The following FTO variants were observed in gnomAD, a reference collection of about 807,000 sequenced individuals.
FTO encodes the protein alpha-ketoglutarate-dependent dioxygenase FTO.
In FTO, 47 loss-of-function variants were observed where a neutral mutation model predicts 63.9. The ratio of observed to expected loss-of-function variants is 0.74; its 90% CI spans 0.58 to 0.94. The LOEUF is 0.94. FTO is among the 40% of genes least tolerant of loss of function. The probability of loss-of-function intolerance (pLI) is 0.00; values close to 1 mark genes in which losing one functional copy is unlikely to be tolerated. For missense variants in FTO, 562 were observed against 618.1 expected, an observed-to-expected ratio of 0.91 and a Z score of 0.96; for synonymous variants, 207 against 224.4, an observed-to-expected ratio of 0.92 and a Z score of 0.69.
At chr16:53,864,847 TAAA>T (rs971940088) in intron 4 of FTO, among the ~76,000 whole-genome samples, 10 of 152,332 alleles carry the variant, frequency 6.6e-5, no homozygotes, top group Admixed American at 2.0e-4. Context: ...TAGAAGCTCT[TAAA>T]TGAAAATTAC....
intron 8 of FTO, among the ~76,000 whole-genome samples, chr16:54,050,346 G>T (rs555012068): frequency 7.2e-5 from 11 of 152,268 alleles, no homozygotes; most frequent in African/African-American, 2.6e-4. Flanking sequence ...ATGCTGATGA[G>T]ATTCTTCTAA....
chr16:53,829,982 C>T (rs1446222016), intron 3 of FTO, among the ~76,000 whole-genome samples: 1 of 151,958 alleles, frequency 6.6e-6, no homozygotes, highest in Non-Finnish European at 1.5e-5. Flanking sequence ...ACTGGGAATT[C>T]AGATACAGAA....
At chr16:53,821,144 G>T (rs1262680509) in intron 2 of FTO, among the ~76,000 whole-genome samples, 1 of 152,132 alleles carries the variant, frequency 6.6e-6, no homozygotes, top group Non-Finnish European at 1.5e-5. Context: ...AATTTTAATG[G>T]GGGGTGGGCA....
At chr16:53,922,213 T>C (rs7201878) in intron 7 of FTO, among the ~76,000 whole-genome samples, 63,540 of 152,014 alleles carry the variant, frequency 0.42, 14,056 homozygotes, top group East Asian at 0.84. Context: ...CCCCAAGAGT[T>C]TTGCTCTTGC....
chr16:54,006,450 CA>C (rs780175071), intron 8 of FTO, among the ~76,000 whole-genome samples: 1 of 152,162 alleles, frequency 6.6e-6, no homozygotes, highest in Admixed American at 6.5e-5. Flanking sequence ...CCTGGGAAAT[CA>C]AAGACTCAGT....
chr16:53,872,939 A>G (rs7206324), intron 4 of FTO, among the ~76,000 whole-genome samples: 88,897 of 151,576 alleles, frequency 0.59, 27,536 homozygotes, highest in East Asian at 0.86. Flanking sequence ...CTTAGGATAT[A>G]TAACAACTTG....
At chr16:53,950,155 T>TAAAAAAAAAAAAAAAAACAAAAAAAAAA (rs2082741361) in intron 8 of FTO, among the ~76,000 whole-genome samples, 15 of 50,618 alleles carry the variant, frequency 3.0e-4, no homozygotes, top group African/African-American at 7.0e-4. Context: ...TTCACATTTG[T>TAAAAAAAAAAAAAAAAACAAAAAAAAAA]AAAAAAAAAA....
chr16:54,030,506 T>C (rs1483547637), intron 8 of FTO, among the ~76,000 whole-genome samples: 1 of 152,180 alleles, frequency 6.6e-6, no homozygotes, highest in Non-Finnish European at 1.5e-5. Context: ...ATTTGAGTGT[T>C]CTCTTTCAGT....
At chr16:53,848,908 C>G (rs2079708843) in intron 4 of FTO, among the ~76,000 whole-genome samples, 1 of 152,170 alleles carries the variant, frequency 6.6e-6, no homozygotes, top group African/African-American at 2.4e-5. Flanking sequence ...CCATTCATGA[C>G]TCTGTTCTCT....
At chr16:53,930,588 C>A (rs2082258515) in intron 7 of FTO, among the ~76,000 whole-genome samples, 2 of 152,144 alleles carry the variant, frequency 1.3e-5, no homozygotes, top group East Asian at 3.9e-4. Flanking sequence ...AAAAAATGAG[C>A]CAATTATCAT....
chr16:53,784,736 T>C (rs974636386), intron 1 of FTO, among the ~76,000 whole-genome samples: 1 of 152,210 alleles, frequency 6.6e-6, no homozygotes, highest in African/African-American at 2.4e-5. Context: ...AGATAAATGA[T>C]GTTCCTTATG....
At chr16:53,869,335 T>C (rs969057921) in intron 4 of FTO, among the ~76,000 whole-genome samples, 3 of 152,138 alleles carry the variant, frequency 2.0e-5, no homozygotes, top group Non-Finnish European at 4.4e-5. Context: ...TCTTTATCTT[T>C]GACTTTCTGC....
chr16:54,108,802 C>G (rs2086813888), intron 8 of FTO, among the ~76,000 whole-genome samples: 1 of 152,176 alleles, frequency 6.6e-6, no homozygotes, highest in South Asian at 2.1e-4. Context: ...AGCGAGGTAA[C>G]AAAACCTGCC....
chr16:53,981,140 C>A (rs2083532582), intron 8 of FTO: 1 of 152,168 alleles, frequency 6.6e-6, no homozygotes, highest in Non-Finnish European at 1.5e-5. Flanking sequence ...GCCTGGGCAG[C>A]ATAGCAATGC....
intron 7 of FTO, among the ~76,000 whole-genome samples, chr16:53,928,072 A>G (rs991827452): frequency 6.6e-6 from 1 of 152,224 alleles, no homozygotes; most frequent in African/African-American, 2.4e-5. Context: ...TTCTGTTATT[A>G]TCACCATTTG....
At chr16:53,950,179 A>AAAAAC (rs201710707) in intron 8 of FTO, among the ~76,000 whole-genome samples, 303 of 145,740 alleles carry the variant, frequency 2.1e-3, no homozygotes, top group Middle Eastern at 7.4e-3. Flanking sequence ...AAAAAAAAAA[A>AAAAAC]CTTAATCCAT....
chr16:53,743,417 T>G (rs1425303226), intron 1 of FTO, among the ~76,000 whole-genome samples: 2 of 151,722 alleles, frequency 1.3e-5, no homozygotes, highest in African/African-American at 2.4e-5. Context: ...ATGATTGCAG[T>G]TACCTTTTCA....
chr16:53,784,845 A>G (rs762745726), intron 1 of FTO, among the ~76,000 whole-genome samples: 3 of 152,148 alleles, frequency 2.0e-5, no homozygotes, highest in Admixed American at 6.5e-5. Context: ...AGCTGTTTCA[A>G]TGTGTCAACG....
chr16:53,838,410 A>C (rs1164495180), intron 3 of FTO, among the ~76,000 whole-genome samples: 1 of 152,026 alleles, frequency 6.6e-6, no homozygotes, highest in East Asian at 2.0e-4. Context: ...TCCCAGGTTC[A>C]AGTGATTCTC....
Sources: gnomAD v4.1 joint callset for allele counts (sites outside exome capture counted in the v4.1 genomes callset) on GRCh38, gnomAD v4.1.1 for gene constraint, MANE v1.5 for transcripts, NCBI Gene and HGNC (gene_info 2026-07-23, HGNC 2026-07-21) for gene names.